COL3A1: variants seen among roughly 807,000 people sequenced by gnomAD.
The protein encoded by COL3A1 is collagen alpha-1(III) chain.
Under a neutral mutation model 200.9 loss-of-function variants are expected in COL3A1, and 46 were observed. The observed-to-expected ratio is 0.23, with a 90% CI of 0.18 to 0.29. COL3A1 has a LOEUF of 0.29. COL3A1 is among the 10% of genes least tolerant of loss of function. The probability of loss-of-function intolerance (pLI) is 1.00; values close to 1 mark genes in which losing one functional copy is unlikely to be tolerated. For missense variants in COL3A1, 1,367 were observed against 1,917.6 expected (o/e 0.71, Z 5.36); for synonymous variants, 650 against 628.0 (o/e 1.03, Z -0.52).
At chr2:188,990,205 A>G in intron 9 of COL3A1, 56 bp downstream of exon 9, 1 of 1,587,584 alleles carries the variant, frequency 6.3e-7, no homozygotes. Context: ...GAAAACTATT[A>G]TGTAATTCAA....
chr2:188,996,326 ACAT>A (rs1688316995), intron 23 of COL3A1, 69 bp from the exon 24 acceptor site: 3 of 1,134,872 alleles, frequency 2.6e-6, no homozygotes, highest in African/African-American at 3.2e-5. Context: ...ACACACACAC[ACAT>A]ACTATATATA....
chr2:188,988,211 G>T, intron 6 of COL3A1, 77 bp downstream of exon 6: 1 of 1,285,472 alleles, frequency 7.8e-7, no homozygotes, highest in Non-Finnish European at 1.1e-6. Flanking sequence ...CTATAATTCA[G>T]CCATTCCAGC....
intron 47 of COL3A1, 80 bp downstream of exon 47, chr2:189,008,222 A>G (rs535441787): frequency 2.4e-6 from 3 of 1,246,338 alleles, no homozygotes; most frequent in East Asian, 5.0e-5. Flanking sequence ...TTATGTTTAA[A>G]TTGAAATAGA....
At position 188,992,236 on chromosome 2, in the gene COL3A1, A is replaced by C; in HGVS notation, c.996+8A>C. 6.2e-7 allele frequency: 1 copy of C among 1,613,570 alleles called. No homozygotes were observed. The highest frequency in any genetic ancestry group is 1.3e-5 in the African/African-American group (1 of 75,002). On this transcript the variant is annotated splice_region_variant and intron_variant, in intron 14 of 50. Transcript: ENST00000304636. ...GGCAGTGATGGTCAACCAGTAAGTA[A>C]CTTTCTATCTCTTATGTGTTGTAGG...
intron 10 of COL3A1, among the ~76,000 whole-genome samples, chr2:188,990,719 A>G (rs1418050759): frequency 2.0e-5 from 3 of 152,182 alleles, no homozygotes; most frequent in East Asian, 1.9e-4. Flanking sequence ...TGTGCCTACA[A>G]CCTATCAACT....
intron 48 of COL3A1, among the ~76,000 whole-genome samples, chr2:189,009,597 T>G (rs1286862625): frequency 6.6e-6 from 1 of 152,170 alleles, no homozygotes; most frequent in South Asian, 2.1e-4. Flanking sequence ...ATTAAAATTT[T>G]CAAATTAAAC....
chr2:189,003,554 G>C lies in COL3A1; in HGVS notation c.2607+90G>C, dbSNP rs1688518522. On this transcript the variant is annotated intron_variant, in intron 37 of 50. Transcript: ENST00000304636. ...GCATTTGAGACACTAGTTCCATAAA[G>C]AGAATGTAAAAATTGTAATCGCTCA... 26 of 1,414,968 alleles carry C rather than the reference G, an allele frequency of 1.8e-5. No homozygotes were observed. The South Asian group carries it at 2.7e-4, about 15-fold the overall frequency. 87.7% of individuals were successfully genotyped at this position (1,414,968 alleles called of 1,614,324 possible).
At chr2:188,996,925 G>A (rs774336281) in intron 24 of COL3A1, among the ~76,000 whole-genome samples, 1 of 151,996 alleles carries the variant, frequency 6.6e-6, no homozygotes, top group Non-Finnish European at 1.5e-5. Context: ...GGGGGCAGAG[G>A]CTACAGTGAG....
At chr2:189,005,512 C>CTGAAAT in intron 41 of COL3A1, 55 bp downstream of exon 41, 3 of 1,465,786 alleles carry the variant, frequency 2.0e-6, no homozygotes, top group Non-Finnish European at 2.9e-6. Context: ...TTTATTTCAG[C>CTGAAAT]AAAGGTGAAA....
intron 1 of COL3A1, among the ~76,000 whole-genome samples, chr2:188,980,208 A>G (rs1399904831): frequency 2.6e-5 from 4 of 151,530 alleles, no homozygotes; most frequent in Non-Finnish European, 5.9e-5. Flanking sequence ...CAATGTTTTT[A>G]TAATTTGACA....
chr2:188,978,421 C>T (rs948563658), intron 1 of COL3A1, among the ~76,000 whole-genome samples: 6 of 151,990 alleles, frequency 3.9e-5, no homozygotes, highest in African/African-American at 1.4e-4. Flanking sequence ...CGGTCACATG[C>T]TGGACCTTGA....
chr2:188,982,806 G>C (rs760500921), intron 1 of COL3A1, among the ~76,000 whole-genome samples: 5 of 151,780 alleles, frequency 3.3e-5, no homozygotes, highest in Non-Finnish European at 5.9e-5. Flanking sequence ...TTGAGAAAAG[G>C]AACCAATGTA....
chr2:189,009,733 T>C (rs1400353802), intron 48 of COL3A1, among the ~76,000 whole-genome samples: 3 of 152,194 alleles, frequency 2.0e-5, no homozygotes, highest in Non-Finnish European at 4.4e-5. Flanking sequence ...TATCTTGACA[T>C]GGAACACTGC....
In COL3A1 at chr2:189,010,323, G is replaced by C. The variant is rs2153504249; in HGVS notation, c.3969G>C (p.Lys1323Asn). The C allele has an allele frequency of 6.2e-7, 1 of 1,614,178 alleles. No homozygotes were observed. Among genetic ancestry groups the C allele is most frequent in the East Asian group, 2.2e-5 (1 of 44,868 alleles). Residue 1323 changes from lysine (K) to asparagine (N), a missense_variant, in exon 49 of 51, where the codon AAG (lysine) becomes AAC (asparagine). Around this residue, in one of 5 missense-constraint regions of COL3A1, gnomAD observed 846 missense variants for 1,147.9 expected, o/e 0.74. Transcript: ENST00000304636. The part of the protein sequence containing the change: ...KHWWTDSSAE[K>N]KHVWFGESMD... Reference sequence around the variant, plus strand: ...GGTGGACAGATTCTAGTGCTGAGAAGAAACACGTTTGGTTTGGAGAGTCCA... The same window carrying C: ...GGTGGACAGATTCTAGTGCTGAGAACAAACACGTTTGGTTTGGAGAGTCCA...
chr2:188,991,942 T>C lies in COL3A1; in HGVS notation c.951+220T>C, dbSNP rs867579927. Among the ~76,000 whole-genome samples, 50 of 152,232 alleles carry C rather than the reference T, an allele frequency of 3.3e-4. 1 individual carries two copies. The highest frequency in any genetic ancestry group is 1.2e-3 in the African/African-American group (49 of 41,456). ...AGAATTTTTGTGTTAACTTTTCATA[T>C]GTCATTTGAGCCATTATATCTGCAT... is the stretch of plus-strand genomic sequence containing the variant. On this transcript the variant is annotated intron_variant, in intron 13 of 50. Transcript: ENST00000304636.
intron 5 of COL3A1, among the ~76,000 whole-genome samples, chr2:188,987,491 C>A (rs1404225148): frequency 6.6e-6 from 1 of 151,992 alleles, no homozygotes; most frequent in African/African-American, 2.4e-5. Context: ...CTGAAGCATA[C>A]TGTTTTCAGC....
rs751092650 is a variant in COL3A1, at chr2:189,009,204, A to G, written c.3806A>G (p.His1269Arg). The change falls in exon 48 of 51, where the codon CAT (histidine) becomes CGT (arginine). Residue 1269 changes from histidine (H) to arginine (R), a missense_variant. Physicochemically the swap from His to Arg is conservative, Grantham distance 29 (BLOSUM62 0). This residue lies in a region of COL3A1 where 846 missense variants were observed against 1,147.9 expected (regional missense o/e 0.74). Coordinates refer to ENST00000304636, the MANE Select transcript of COL3A1 (RefSeq NM_000090.4). ...ARNCRDLKFC[H>R]PELKSGEYWV... Reference sequence around the variant, plus strand: ...AACTGCAGAGACCTGAAATTCTGCCATCCTGAACTCAAGAGTGGTATGTTT... The same window carrying G: ...AACTGCAGAGACCTGAAATTCTGCCGTCCTGAACTCAAGAGTGGTATGTTT... 3.7e-6 allele frequency: 6 copies of G among 1,614,194 alleles called. No homozygotes were observed. The highest frequency in any genetic ancestry group is 4.2e-6 in the Non-Finnish European group (5 of 1,180,036).
At chr2:189,003,921 A>C (rs760884332) in intron 38 of COL3A1, 61 bp from the exon 39 acceptor site, 51 of 1,565,054 alleles carry the variant, frequency 3.3e-5, no homozygotes, top group Non-Finnish European at 4.1e-5. Flanking sequence ...AGTAAGTAAA[A>C]AAAGAAAGAA....
At chr2:188,997,615 T>C in intron 26 of COL3A1, 85 bp from the exon 27 acceptor site, 1 of 1,385,172 alleles carries the variant, frequency 7.2e-7, no homozygotes, top group Non-Finnish European at 1.0e-6. Flanking sequence ...ACTTTTATAA[T>C]TAAGCAACAG....
Sources: gnomAD v4.1 joint callset for allele counts (sites outside exome capture counted in the v4.1 genomes callset) on GRCh38, gnomAD v4.1.1 for gene constraint, gnomAD v4.1.1 regional missense constraint, MANE v1.5 for transcripts, NCBI Gene and HGNC (gene_info 2026-07-23, HGNC 2026-07-21) for gene names.